The following ARHGEF18 variants were observed in gnomAD, a reference collection of about 807,000 sequenced individuals.
The protein encoded by ARHGEF18 is Rho/Rac guanine nucleotide exchange factor 18.
ARHGEF18 carries 93 observed loss-of-function variants against 155.7 expected under a neutral mutation model. The ratio of observed to expected loss-of-function variants is 0.60; its 90% CI spans 0.50 to 0.71. The LOEUF (loss-of-function observed/expected upper bound fraction) is 0.71, where lower values mean the gene tolerates loss of function less well. Among genes scored for constraint, ARHGEF18 ranks in the 30% least tolerant of loss-of-function variants. The probability of loss-of-function intolerance (pLI) is 0.00; values close to 1 mark genes in which losing one functional copy is unlikely to be tolerated. For synonymous variants in ARHGEF18, 742 were observed against 753.1 expected, an observed-to-expected ratio of 0.99 and a Z score of 0.24; for missense variants, 1,593 against 1,816.1, an observed-to-expected ratio of 0.88 and a Z score of 2.23.
chr19:7,449,360 G>A (rs1219592481), intron 15 of ARHGEF18, among the ~76,000 whole-genome samples: 2 of 152,088 alleles, frequency 1.3e-5, no homozygotes, highest in Non-Finnish European at 2.9e-5. Context: ...GATCACTTGA[G>A]CCCAGGAGTT....
intron 10 of ARHGEF18, among the ~76,000 whole-genome samples, chr19:7,406,238 C>T (rs12981662): frequency 6.6e-6 from 1 of 152,238 alleles, no homozygotes; most frequent in South Asian, 2.1e-4. Context: ...GCGCGTGCCA[C>T]CACGCTTGGC....
chr19:7,446,905 AAAAAAAG>A, intron 14 of ARHGEF18, 131 bp from the exon 15 acceptor site: 9 of 1,198,964 alleles, frequency 7.5e-6, no homozygotes, highest in South Asian at 3.1e-5. Context: ...CAAAAAAAAA[AAAAAAAG>A]AAGAAGAAAG....
rs192480340 is a variant in ARHGEF18 at position 7,406,173 on chromosome 19, C to T, written c.967+22970C>T. On this transcript the variant is annotated intron_variant, in intron 10 of 28. Coordinates refer to ENST00000668164, the MANE Select transcript of ARHGEF18 (RefSeq NM_001367823.1). Reference sequence around the variant, plus strand: ...TCGGCTCACTGCAACCTCCACCATCCGCTTGGGTTCAAGCGATTCTCCTGC... The same window carrying T: ...TCGGCTCACTGCAACCTCCACCATCTGCTTGGGTTCAAGCGATTCTCCTGC... Among the ~76,000 whole-genome samples the T allele has an allele frequency of 4.1e-4, 63 of 152,190 alleles. 1 individual carries two copies. The highest frequency in any genetic ancestry group is 1.4e-3 in the African/African-American group (58 of 41,516).
intron 26 of ARHGEF18, among the ~76,000 whole-genome samples, 197 bp downstream of exon 26, chr19:7,467,881 A>G (rs1347268667): frequency 6.6e-6 from 1 of 152,084 alleles, no homozygotes; most frequent in Non-Finnish European, 1.5e-5. Context: ...GCTTAACAGA[A>G]CGCTGTTGCT....
intron 10 of ARHGEF18, among the ~76,000 whole-genome samples, chr19:7,432,727 T>G (rs190994184): frequency 6.6e-6 from 1 of 152,362 alleles, no homozygotes; most frequent in East Asian, 1.9e-4. Context: ...TTGGGGTCCC[T>G]TTACAAGTGA....
rs544134055 is a variant in ARHGEF18 at position 7,454,612 on chromosome 19, G to A, written c.2104+897G>A. On this transcript the variant is annotated intron_variant, in intron 17 of 28. Coordinates refer to ENST00000668164, the MANE Select transcript of ARHGEF18 (RefSeq NM_001367823.1). ...GCCACTGAAGTCTGGCTACTTCATG[G>A]CTGAAGGGAGGTTATGAGCTGAGTC... Among the ~76,000 whole-genome samples, 6 of 152,332 alleles carry A rather than the reference G, an allele frequency of 3.9e-5. No homozygotes were observed. The South Asian group carries it at 1.2e-3, about 32-fold the overall frequency.
the ARHGEF18 span, among the ~76,000 whole-genome samples, chr19:7,477,902 G>T: frequency 6.6e-6 from 1 of 152,338 alleles, no homozygotes; most frequent in Non-Finnish European, 1.5e-5. Context: ...CGTGCCTGTA[G>T]TCCCAGCTAC....
chr19:7,393,105 A>T (rs1431634482), intron 10 of ARHGEF18, among the ~76,000 whole-genome samples: 2 of 151,230 alleles, frequency 1.3e-5, no homozygotes, highest in Non-Finnish European at 1.5e-5. Flanking sequence ...CCCTAAGTCC[A>T]TAAGCCACAG....
chr19:7,450,643 T>C (rs1975347576), intron 15 of ARHGEF18, among the ~76,000 whole-genome samples: 1 of 152,304 alleles, frequency 6.6e-6, no homozygotes, highest in African/African-American at 2.4e-5. Context: ...TCCAAGATGT[T>C]AATACGGGAT....
At chr19:7,350,788 G>T (rs1969138891) in intron 1 of ARHGEF18, among the ~76,000 whole-genome samples, 1 of 150,182 alleles carries the variant, frequency 6.7e-6, no homozygotes, top group South Asian at 2.1e-4. Flanking sequence ...GTGTGTGTGT[G>T]TGTGTGTGTG....
In ARHGEF18 at chr19:7,466,952, T is replaced by A; in HGVS notation, c.2939T>A (p.Leu980Gln). Residue 980 changes from leucine (L) to glutamine (Q), a missense_variant, in exon 24 of 29, where the codon CTG becomes CAG. Transcript: ENST00000668164. The part of the protein sequence containing the change: ...EAPGTESDPR[L>Q]PTVLESELVQ... The stretch of plus-strand genomic sequence containing the variant: ...CCAGGCACGGAATCCGATCCCCGTC[T>A]GCCCACCGTCCTGGAGTCGGAGGTA... 3 of 1,613,524 alleles carry A rather than the reference T, an allele frequency of 1.9e-6. No individual in the cohort carries two copies. Among genetic ancestry groups the A allele is most frequent in the Non-Finnish European group, 2.5e-6 (3 of 1,180,000 alleles).
At chr19:7,389,121 G>T (rs1971246328) in intron 10 of ARHGEF18, among the ~76,000 whole-genome samples, 1 of 149,968 alleles carries the variant, frequency 6.7e-6, no homozygotes, top group Non-Finnish European at 1.5e-5. Context: ...GAGTAGCAGG[G>T]ACTACAGTCT....
At chr19:7,452,156 T>C (rs1975522558) in intron 16 of ARHGEF18, among the ~76,000 whole-genome samples, 3 of 152,208 alleles carry the variant, frequency 2.0e-5, no homozygotes, top group Non-Finnish European at 1.5e-5. Flanking sequence ...TCAGTGTTAG[T>C]GTCTGTGGAA....
intron 2 of ARHGEF18, among the ~76,000 whole-genome samples, chr19:7,371,101 A>C (rs1970186581): frequency 6.6e-6 from 1 of 151,920 alleles, no homozygotes; most frequent in Admixed American, 6.6e-5. Context: ...TTGTAGAGAT[A>C]GGGTCTTGTT....
At position 7,470,108 on chromosome 19, in the gene ARHGEF18, A is replaced by G; in HGVS notation, c.3914-18A>G. ...ACCACCCGGCGACTGCTCAGTCTGAACCCTCTCTCTGTTCCAGACCCTGGC... is the reference window on the plus strand; with the variant it reads ...ACCACCCGGCGACTGCTCAGTCTGAGCCCTCTCTCTGTTCCAGACCCTGGC... On this transcript the variant is annotated intron_variant, in intron 28 of 28. Coordinates refer to ENST00000668164, the MANE Select transcript of ARHGEF18 (RefSeq NM_001367823.1). This position sits in a 1 kb window ranked among gnomAD's most constrained non-coding sequence, Gnocchi z 5.9. 1.2e-6 allele frequency: 2 copies of G among 1,610,252 alleles called. No individual in the cohort carries two copies. The highest frequency in any genetic ancestry group is 1.7e-6 in the Non-Finnish European group (2 of 1,178,924).
At chr19:7,434,129 A>G (rs2145738136) in intron 10 of ARHGEF18, among the ~76,000 whole-genome samples, 1 of 152,022 alleles carries the variant, frequency 6.6e-6, no homozygotes, top group Middle Eastern at 3.4e-3. Context: ...TAACTTGCTC[A>G]GAGATTGCTC....
Position 7,453,682 on chromosome 19 carries a change from C to G in ARHGEF18, c.2071C>G (p.Leu691Val). ...LQRQLHLEGM[L>V]CWKTTSGRLK... is the part of the protein sequence containing the mutation. The stretch of plus-strand genomic sequence containing the variant: ...GCGGCAGCTCCACCTGGAGGGCATG[C>G]TATGCTGGAAGACCACATCAGGGCG... Residue 691 changes from leucine (L) to valine (V), a missense_variant, in exon 17 of 29, where the codon CTA becomes GTA. Physicochemically the swap from Leu to Val is conservative, Grantham distance 32. Transcript: ENST00000668164. 1 of 1,595,426 alleles carries G rather than the reference C, an allele frequency of 6.3e-7. No individual in the cohort carries two copies. Among genetic ancestry groups the G allele is most frequent in the Non-Finnish European group, 8.6e-7 (1 of 1,168,276 alleles).
intron 10 of ARHGEF18, among the ~76,000 whole-genome samples, chr19:7,393,020 C>G (rs1198098471): frequency 1.5e-5 from 2 of 134,816 alleles, no homozygotes; most frequent in African/African-American, 5.7e-5. Flanking sequence ...GCACTTCCAG[C>G]CTAAGTGACA....
chr19:7,378,383 G>A lies in ARHGEF18; in HGVS notation c.542-11G>A. On this transcript the variant is annotated splice_polypyrimidine_tract_variant and intron_variant, in intron 5 of 28. Coordinates refer to ENST00000668164, the MANE Select transcript of ARHGEF18 (RefSeq NM_001367823.1). Reference sequence around the variant, plus strand: ...ACAACTGTGCTTCCTGGGATGGGGGGCTTCTTCCAGGCCTGGAACCTCCAG... The same window carrying A: ...ACAACTGTGCTTCCTGGGATGGGGGACTTCTTCCAGGCCTGGAACCTCCAG... The A allele has an allele frequency of 8.1e-7, 1 of 1,234,334 alleles. No homozygotes were observed. The highest frequency in any genetic ancestry group is 3.2e-5 in the East Asian group (1 of 31,704). 76.5% of individuals were successfully genotyped at this position (1,234,334 alleles called of 1,614,324 possible).
Sources: gnomAD v4.1 joint callset for allele counts (sites outside exome capture counted in the v4.1 genomes callset) on GRCh38, gnomAD v4.1.1 for gene constraint, Gnocchi (gnomAD v3.1) non-coding constraint, MANE v1.5 for transcripts, NCBI Gene and HGNC (gene_info 2026-07-23, HGNC 2026-07-21) for gene names.